The following LCLAT1 variants were observed in gnomAD, a reference collection of about 807,000 sequenced individuals.
LCLAT1 encodes lysocardiolipin acyltransferase 1.
LCLAT1 carries 11 observed loss-of-function variants against 30.7 expected under a neutral mutation model. That is an observed-to-expected ratio of 0.36 (90% CI 0.23 to 0.59). The LOEUF (loss-of-function observed/expected upper bound fraction) is 0.59, where lower values mean the gene tolerates loss of function less well. Ranked by LOEUF, LCLAT1 falls within the 20% of genes least tolerant of loss-of-function variation. The pLI, the probability that LCLAT1 is intolerant of heterozygous loss-of-function variation, is 0.77. For synonymous variants in LCLAT1, 155 were observed against 151.3 expected, an observed-to-expected ratio of 1.02 and a Z score of -0.18; for missense variants, 402 against 458.6, an observed-to-expected ratio of 0.88 and a Z score of 1.13.
intron 5 of LCLAT1, among the ~76,000 whole-genome samples, chr2:30,569,189 A>G (rs1665658240): frequency 6.6e-6 from 1 of 152,148 alleles, no homozygotes; most frequent in Non-Finnish European, 1.5e-5. Flanking sequence ...CACTTCTTTC[A>G]AACTGTGTCT....
intron 1 of LCLAT1, among the ~76,000 whole-genome samples, chr2:30,484,779 G>A (rs1327831684): frequency 1.7e-5 from 2 of 116,186 alleles, no homozygotes; most frequent in African/African-American, 5.8e-5. Context: ...TTTTAAAAAA[G>A]TGATTTCATT....
chr2:30,559,525 A>G (rs781182139), intron 3 of LCLAT1, among the ~76,000 whole-genome samples: 26 of 152,180 alleles, frequency 1.7e-4, no homozygotes, highest in Admixed American at 2.0e-4. Context: ...TTCATAATAC[A>G]CTTGTTTAAT....
intron 4 of LCLAT1, among the ~76,000 whole-genome samples, chr2:30,563,447 CT>C (rs1326817672): frequency 6.6e-6 from 1 of 152,124 alleles, no homozygotes; most frequent in African/African-American, 2.4e-5. Context: ...GAAAGTATTT[CT>C]GTAGAATCTT....
chr2:30,560,347 G>A (rs558191772), intron 3 of LCLAT1, among the ~76,000 whole-genome samples: 2 of 144,398 alleles, frequency 1.4e-5, no homozygotes, highest in Non-Finnish European at 3.0e-5. Context: ...ATTTTGACAC[G>A]GAGTCTTGCT....
intron 1 of LCLAT1, among the ~76,000 whole-genome samples, chr2:30,518,362 A>G (rs1346920292): frequency 6.6e-6 from 1 of 152,208 alleles, no homozygotes; most frequent in Admixed American, 6.5e-5. Context: ...TCAGTAATTG[A>G]TAGGAAAACT....
intron 3 of LCLAT1, among the ~76,000 whole-genome samples, chr2:30,544,068 T>G (rs1257989785): frequency 6.6e-6 from 1 of 152,180 alleles, no homozygotes; most frequent in East Asian, 1.9e-4. Context: ...GCTATAGTTG[T>G]GTGTTGTATT....
intron 1 of LCLAT1, among the ~76,000 whole-genome samples, chr2:30,472,898 T>C (rs1682867609): frequency 6.6e-6 from 1 of 152,188 alleles, no homozygotes; most frequent in South Asian, 2.1e-4. Context: ...GATGAAACTT[T>C]TAAGTCACAG....
At chr2:30,452,190 A>G (rs979950940) in intron 1 of LCLAT1, among the ~76,000 whole-genome samples, 2 of 152,096 alleles carry the variant, frequency 1.3e-5, no homozygotes, top group Non-Finnish European at 2.9e-5. Context: ...GAATATGTAA[A>G]AATATGAGGA....
chr2:30,554,654 AG>A (rs548507834), intron 3 of LCLAT1, among the ~76,000 whole-genome samples: 15 of 152,230 alleles, frequency 9.9e-5, no homozygotes, highest in Non-Finnish European at 2.1e-4. Flanking sequence ...ACATATAGTA[AG>A]CACACAGTAA....
intron 5 of LCLAT1, among the ~76,000 whole-genome samples, chr2:30,609,101 A>G (rs973723215): frequency 6.6e-5 from 10 of 152,120 alleles, no homozygotes; most frequent in African/African-American, 2.4e-4. Context: ...GCCTGTTTAT[A>G]TCTTGTCTGT....
intron 2 of LCLAT1, among the ~76,000 whole-genome samples, chr2:30,530,880 A>T (rs997280269): frequency 6.6e-6 from 1 of 152,172 alleles, no homozygotes; most frequent in Non-Finnish European, 1.5e-5. Context: ...TCATAATGAA[A>T]AGCAAAGGAT....
intron 1 of LCLAT1, among the ~76,000 whole-genome samples, chr2:30,513,632 A>G (rs201092189): frequency 6.6e-6 from 1 of 152,192 alleles, no homozygotes; most frequent in East Asian, 1.9e-4. Flanking sequence ...GGCCCCCCAA[A>G]TCACTAAGCT....
chr2:30,462,780 A>G (rs1682227082), intron 1 of LCLAT1, among the ~76,000 whole-genome samples: 1 of 152,198 alleles, frequency 6.6e-6, no homozygotes, highest in Non-Finnish European at 1.5e-5. Context: ...ACGTGAGCTG[A>G]TCAAAGGAAA....
chr2:30,601,198 TG>T (rs771306103), intron 5 of LCLAT1, among the ~76,000 whole-genome samples: 19 of 152,158 alleles, frequency 1.2e-4, no homozygotes, highest in Non-Finnish European at 2.2e-4. Flanking sequence ...TATTTTATCA[TG>T]GTTCTTAGCT....
At chr2:30,461,216 G>A (rs751572480) in intron 1 of LCLAT1, among the ~76,000 whole-genome samples, 2 of 152,106 alleles carry the variant, frequency 1.3e-5, no homozygotes, top group Non-Finnish European at 2.9e-5. Context: ...GATCTGATAC[G>A]AACTCCAGGT....
rs532576292 is a variant in LCLAT1 at position 30,474,480 on chromosome 2, C to G, written c.-5+27097C>G. On this transcript the variant is annotated intron_variant, in intron 1 of 5. Coordinates refer to ENST00000379509, the MANE Select transcript of LCLAT1 (RefSeq NM_001002257.3). ...CTATGTTGCCCAAGCTGGGCTTGAA[C>G]TCCTTGATCCTCTTGCCTTAGCCTT... 1.2e-4 allele frequency among the ~76,000 whole-genome samples: 19 copies of G among 152,260 alleles called. No individual in the cohort carries two copies. In the East Asian group the frequency reaches 3.7e-3, roughly 29 times the overall value.
chr2:30,592,538 C>T (rs985222335), intron 5 of LCLAT1, among the ~76,000 whole-genome samples: 2 of 152,044 alleles, frequency 1.3e-5, no homozygotes, highest in Non-Finnish European at 2.9e-5. Flanking sequence ...GTCAGTTTCT[C>T]GATTGAAAAT....
intron 5 of LCLAT1, among the ~76,000 whole-genome samples, chr2:30,593,171 C>G (rs1280749130): frequency 6.6e-6 from 1 of 152,144 alleles, no homozygotes; most frequent in Non-Finnish European, 1.5e-5. Context: ...GATATTTTGT[C>G]TCTCTGTGCT....
At position 30,563,930 on chromosome 2, in the gene LCLAT1, C is replaced by T. The variant is rs948424404; in HGVS notation, c.511+1638C>T. ...TGCAGATGGAACTGAGCTAAATGAA[C>T]GGTGGCACTTTTTTTATACTAGTCA... On this transcript the variant is annotated intron_variant, in intron 4 of 5. Transcript: ENST00000379509. Among the ~76,000 whole-genome samples the T allele has an allele frequency of 2.8e-4, 42 of 152,098 alleles. 1 individual carries two copies. The highest frequency in any genetic ancestry group is 3.2e-4 in the Non-Finnish European group (22 of 68,004).
Sources: gnomAD v4.1 joint callset for allele counts (sites outside exome capture counted in the v4.1 genomes callset) on GRCh38, gnomAD v4.1.1 for gene constraint, MANE v1.5 for transcripts, NCBI Gene and HGNC (gene_info 2026-07-23, HGNC 2026-07-21) for gene names.